The following C5orf24 variants were observed in gnomAD, a reference collection of about 807,000 sequenced individuals.
The protein encoded by C5orf24 is chromosome 5 open reading frame 24.
Under a neutral mutation model 9.8 loss-of-function variants are expected in C5orf24, and 4 were observed. The observed-to-expected ratio is 0.41, with a 90% CI of 0.20 to 0.93. The LOEUF (loss-of-function observed/expected upper bound fraction) is 0.93, where lower values mean the gene tolerates loss of function less well. Among genes scored for constraint, C5orf24 ranks in the 40% least tolerant of loss-of-function variants. The probability of loss-of-function intolerance (pLI) is 0.33; values close to 1 mark genes in which losing one functional copy is unlikely to be tolerated. For missense variants in C5orf24, 170 were observed against 236.9 expected, an observed-to-expected ratio of 0.72 and a Z score of 1.85; for synonymous variants, 73 against 81.3, an observed-to-expected ratio of 0.90 and a Z score of 0.55.
rs1756350626 is a variant in C5orf24, at chr5:134,857,702, G to GT, written c.*2236dup. ...TATGTTCGTTACCTACTCTGTACATGTATCTGTCATTTAGCTGTTTCTCAA... is the reference window on the plus strand; with the variant it reads ...TATGTTCGTTACCTACTCTGTACATGTTATCTGTCATTTAGCTGTTTCTCAA... On this transcript the variant is annotated 3_prime_UTR_variant, in exon 2 of 2. Transcript: ENST00000394976. The GT allele has an allele frequency of 3.7e-6, 1 of 267,550 alleles. No individual in the cohort carries two copies. The highest frequency in any genetic ancestry group is 7.4e-6 in the Non-Finnish European group (1 of 135,534). The allele number at this position is 267,550 out of a possible 1,614,324, so 16.6% of individuals were successfully genotyped here.
rs553638019 is a variant in C5orf24, at chr5:134,856,051, A to G, written c.*584A>G. The G allele has an allele frequency of 3.0e-6, 3 of 1,001,516 alleles. No individual in the cohort carries two copies. Among genetic ancestry groups the G allele is most frequent in the African/African-American group, 1.7e-5 (1 of 57,382 alleles). The allele number at this position is 1,001,516 out of a possible 1,614,324, so 62.0% of individuals were successfully genotyped here. A position where few individuals can be genotyped will look rare whatever the true frequency, so the allele number is the denominator to read the frequency against. ...AGCAGCTTGTAATTTATTGATCTAC[A>G]TGGCATTAATTGATTTAACCATTAT... On this transcript the variant is annotated 3_prime_UTR_variant, in exon 2 of 2. Transcript: ENST00000394976.
the C5orf24 span, among the ~76,000 whole-genome samples, chr5:134,839,014 G>C: frequency 6.6e-6 from 1 of 152,004 alleles, no homozygotes; most frequent in Admixed American, 6.6e-5. Context: ...TTCAAGACCA[G>C]CTTGGGCAAC....
rs761229698 is a variant in C5orf24, at chr5:134,855,137, GAAA to G, written c.240_242del (p.Lys82del). 8.1e-6 allele frequency: 13 copies of G among 1,613,958 alleles called. No individual in the cohort carries two copies. In the African/African-American group the frequency reaches 1.5e-4, roughly 18 times the overall value. ...GCATAGAAATAAAAGATGAACTAAA[GAAA>G]AAGAAGAATCTCAACCGATCTGGTA... On this transcript the variant is annotated inframe_deletion, in exon 2 of 2. Coordinates refer to ENST00000394976, the MANE Select transcript of C5orf24 (RefSeq NM_001135586.1).
chr5:134,857,279 ATGT>A lies in C5orf24; in HGVS notation c.*1816_*1818del. ...AATAATTAAAATTTTAAAAGAGCACATGTTGTGTTTTTTGGGCTTGCTATTAAT... is the reference window on the plus strand; with the variant it reads ...AATAATTAAAATTTTAAAAGAGCACATGTGTTTTTTGGGCTTGCTATTAAT... On this transcript the variant is annotated 3_prime_UTR_variant, in exon 2 of 2. Transcript: ENST00000394976. The A allele has an allele frequency of 2.7e-6, 4 of 1,461,432 alleles. No homozygotes were observed. The highest frequency in any genetic ancestry group is 3.7e-6 in the Non-Finnish European group (4 of 1,094,130). 90.5% of individuals were successfully genotyped at this position (1,461,432 alleles called of 1,614,324 possible). A position where few individuals can be genotyped will look rare whatever the true frequency, so the allele number is the denominator to read the frequency against.
chr5:134,837,862 G>A, the C5orf24 span, among the ~76,000 whole-genome samples: 1 of 151,546 alleles, frequency 6.6e-6, no homozygotes, highest in African/African-American at 2.4e-5. Flanking sequence ...TTGATATAAA[G>A]CTATATATTT....
chr5:134,836,502 T>C, the C5orf24 span, among the ~76,000 whole-genome samples: 4 of 151,696 alleles, frequency 2.6e-5, no homozygotes, highest in East Asian at 7.8e-4. Context: ...AATCTCATCC[T>C]TTCTTTAAAA....
At position 134,858,995 on chromosome 5, in the gene C5orf24, T is replaced by C. The variant is rs1756381693; in HGVS notation, c.*3528T>C. 6.0e-6 allele frequency: 1 copy of C among 166,950 alleles called. No homozygotes were observed. Among genetic ancestry groups the C allele is most frequent in the Non-Finnish European group, 1.5e-5 (1 of 68,046 alleles). 10.3% of individuals were successfully genotyped at this position (166,950 alleles called of 1,614,324 possible). A position where few individuals can be genotyped will look rare whatever the true frequency, so the allele number is the denominator to read the frequency against. ...CATGTCTATTTTCATGAACTAAGAA[T>C]AGAGTTTCTTTGAGTTGAGGAGAAA... On this transcript the variant is annotated 3_prime_UTR_variant, in exon 2 of 2. Coordinates refer to ENST00000394976, the MANE Select transcript of C5orf24 (RefSeq NM_001135586.1).
At chr5:134,837,685 G>A in the C5orf24 span, among the ~76,000 whole-genome samples, 1 of 150,410 alleles carries the variant, frequency 6.6e-6, no homozygotes, top group South Asian at 2.1e-4. Flanking sequence ...AAAAAAAGCT[G>A]TCTGTGAATC....
rs1580847371 is a variant in C5orf24, at chr5:134,857,446, A to G, written c.*1979A>G. On this transcript the variant is annotated 3_prime_UTR_variant, in exon 2 of 2. Coordinates refer to ENST00000394976, the MANE Select transcript of C5orf24 (RefSeq NM_001135586.1). ...TGCTCTTTACAGTAAGAGGTGTTGC[A>G]TTGTATGTGGGGACTATGTGCACTG... 1 of 1,535,052 alleles carries G rather than the reference A, an allele frequency of 6.5e-7. No individual in the cohort carries two copies. Among genetic ancestry groups the G allele is most frequent in the African/African-American group, 1.4e-5 (1 of 72,786 alleles).
At position 134,857,331 on chromosome 5, in the gene C5orf24, G is replaced by A. The variant is rs1318074646; in HGVS notation, c.*1864G>A. 4.5e-6 allele frequency: 7 copies of A among 1,542,084 alleles called. No individual in the cohort carries two copies. The highest frequency in any genetic ancestry group is 2.0e-5 in the Admixed American group (1 of 50,586). Reference sequence around the variant, plus strand: ...ATGCAAACTCTGATTGCAAATGGATGTCATGTTTCATACCTTTTTTATCAG... The same window carrying A: ...ATGCAAACTCTGATTGCAAATGGATATCATGTTTCATACCTTTTTTATCAG... On this transcript the variant is annotated 3_prime_UTR_variant, in exon 2 of 2. Transcript: ENST00000394976.
rs948764249 is a variant in C5orf24 at position 134,856,669 on chromosome 5, A to C, written c.*1202A>C. The C allele has an allele frequency of 2.0e-4, 162 of 812,166 alleles. No individual in the cohort carries two copies. Among genetic ancestry groups the C allele is most frequent in the Non-Finnish European group, 2.4e-4 (160 of 659,230 alleles). The allele number at this position is 812,166 out of a possible 1,614,324, so 50.3% of individuals were successfully genotyped here. On this transcript the variant is annotated 3_prime_UTR_variant, in exon 2 of 2. Transcript: ENST00000394976. The stretch of plus-strand genomic sequence containing the variant: ...TAAATAAATAAATAAATAAATAAAT[A>C]AATAAATAAATAAAACCATTTATTG...
chr5:134,847,813 C>T (rs1756037958), intron 1 of C5orf24, among the ~76,000 whole-genome samples: 1 of 151,912 alleles, frequency 6.6e-6, no homozygotes, highest in Admixed American at 6.6e-5. Flanking sequence ...GATTCTCCTG[C>T]CTCAGCCTCT....
chr5:134,847,849 G>A (rs933839936), intron 1 of C5orf24, among the ~76,000 whole-genome samples: 4 of 151,856 alleles, frequency 2.6e-5, no homozygotes, highest in African/African-American at 9.7e-5. Context: ...ACAGGCACCC[G>A]CCACCATGCC....
Position 134,846,021 on chromosome 5 carries a change from C to A in C5orf24, c.-195C>A, listed in dbSNP as rs574868205. ...GTACTGCGTCCGGGGCAGGACCGTG[C>A]GCGGCGGCCGCGGCGGGTGCTGGGA... is the stretch of plus-strand genomic sequence containing the variant. On this transcript the variant is annotated 5_prime_UTR_variant, in exon 1 of 2. Coordinates refer to ENST00000394976, the MANE Select transcript of C5orf24 (RefSeq NM_001135586.1). 1 of 152,300 alleles carries A rather than the reference C, an allele frequency of 6.6e-6. No homozygotes were observed. Among genetic ancestry groups the A allele is most frequent in the Admixed American group, 6.5e-5 (1 of 15,272 alleles). 9.4% of individuals were successfully genotyped at this position (152,300 alleles called of 1,614,324 possible).
At chr5:134,835,416 G>A in the C5orf24 span, among the ~76,000 whole-genome samples, 54 of 152,274 alleles carry the variant, frequency 3.5e-4, no homozygotes, top group African/African-American at 1.1e-3. Context: ...TTGGGAGGCC[G>A]AAGTGGGCAG....
the C5orf24 span, among the ~76,000 whole-genome samples, chr5:134,838,217 T>C: frequency 2.0e-5 from 3 of 152,204 alleles, no homozygotes; most frequent in Admixed American, 6.5e-5. Context: ...AAAAGACAAA[T>C]TCACTGGTGA....
At chr5:134,846,263 G>T (rs1466290535) in intron 1 of C5orf24, 51 bp downstream of exon 1, 1 of 152,588 alleles carries the variant, frequency 6.6e-6, no homozygotes, top group African/African-American at 2.4e-5. Flanking sequence ...GGGTAGGGCG[G>T]CGGCGAGAAC....
chr5:134,846,774 T>G (rs939065966), intron 1 of C5orf24: 3 of 152,170 alleles, frequency 2.0e-5, no homozygotes, highest in African/African-American at 7.2e-5. Context: ...AGGCCGTTAT[T>G]TATGTGCCGT....
intron 1 of C5orf24, among the ~76,000 whole-genome samples, chr5:134,852,678 C>A (rs931664264): frequency 2.6e-5 from 4 of 152,146 alleles, no homozygotes; most frequent in Non-Finnish European, 5.9e-5. Context: ...TTTATAAATC[C>A]GAATTGGAAC....
Sources: allele counts gnomAD v4.1 joint callset (sites outside exome capture counted in the v4.1 genomes callset), GRCh38; gene constraint gnomAD v4.1.1; transcripts MANE v1.5; gene names NCBI Gene and HGNC (gene_info 2026-07-23, HGNC 2026-07-21).